MMRN1: variants seen among roughly 807,000 people sequenced by gnomAD.
MMRN1 encodes multimerin-1.
Under a neutral mutation model 100.7 loss-of-function variants are expected in MMRN1, and 94 were observed. The observed-to-expected ratio is 0.93, with a 90% CI of 0.79 to 1.11. MMRN1 has a LOEUF of 1.11. Ranked by LOEUF, MMRN1 falls within the 50% of genes least tolerant of loss-of-function variation. The probability of loss-of-function intolerance (pLI) is 0.00; values close to 1 mark genes in which losing one functional copy is unlikely to be tolerated. For synonymous variants in MMRN1, 575 were observed against 505.0 expected, an observed-to-expected ratio of 1.14 and a Z score of -1.86; for missense variants, 1,606 against 1,439.1, an observed-to-expected ratio of 1.12 and a Z score of -1.88.
chr4:89,909,581 A>G (rs189833666), intron 2 of MMRN1, among the ~76,000 whole-genome samples, 186 bp downstream of exon 2: 1 of 151,640 alleles, frequency 6.6e-6, no homozygotes, highest in Admixed American at 6.6e-5. Context: ...CATTTTTAGA[A>G]TCATTTGAGA....
intron 6 of MMRN1, among the ~76,000 whole-genome samples, chr4:89,944,541 G>A (rs1722928264): frequency 6.6e-6 from 1 of 152,114 alleles, no homozygotes; most frequent in African/African-American, 2.4e-5. Context: ...CATTTTAATA[G>A]GCGTGCAGTT....
chr4:89,911,329 C>A (rs1394106277), intron 2 of MMRN1, among the ~76,000 whole-genome samples: 1 of 151,322 alleles, frequency 6.6e-6, no homozygotes, highest in Non-Finnish European at 1.5e-5. Context: ...ATGGTTTCAT[C>A]TTAAAAATAA....
intron 3 of MMRN1, among the ~76,000 whole-genome samples, chr4:89,916,471 G>GA (rs1721923332): frequency 2.0e-5 from 3 of 150,862 alleles, no homozygotes. Flanking sequence ...ATTAATTTTT[G>GA]ACATTTAATA....
intron 5 of MMRN1, among the ~76,000 whole-genome samples, chr4:89,928,999 T>G (rs1187222456): frequency 6.6e-6 from 1 of 152,100 alleles, no homozygotes; most frequent in African/African-American, 2.4e-5. Context: ...ATGGGACCAC[T>G]TGACACTTGC....
At chr4:89,919,889 G>A (rs953840321) in intron 3 of MMRN1, among the ~76,000 whole-genome samples, 1 of 152,094 alleles carries the variant, frequency 6.6e-6, no homozygotes, top group African/African-American at 2.4e-5. Context: ...AAAATAAATT[G>A]AGCATCAAAC....
At chr4:89,944,989 T>G (rs1323264230) in intron 6 of MMRN1, among the ~76,000 whole-genome samples, 1 of 152,132 alleles carries the variant, frequency 6.6e-6, no homozygotes, top group Non-Finnish European at 1.5e-5. Flanking sequence ...CACCCCAAAT[T>G]TCCTCATGCA....
At chr4:89,881,631 C>A (rs1171041419) in intron 1 of MMRN1, among the ~76,000 whole-genome samples, 1 of 151,386 alleles carries the variant, frequency 6.6e-6, no homozygotes, top group African/African-American at 2.4e-5. Flanking sequence ...CAAAGGTGCC[C>A]ATGGTGAATG....
chr4:89,892,717 A>G (rs1434747071), upstream of MMRN1, among the ~76,000 whole-genome samples: 2 of 151,970 alleles, frequency 1.3e-5, no homozygotes, highest in East Asian at 3.9e-4. Context: ...TTATTGGTCA[A>G]TACCTTATAA....
Position 89,935,161 on chromosome 4 carries a change from A to G in MMRN1, c.1481A>G (p.Gln494Arg), listed in dbSNP as rs1722566994. 1 of 1,613,288 alleles carries G rather than the reference A, an allele frequency of 6.2e-7. No homozygotes were observed. Among genetic ancestry groups the G allele is most frequent in the South Asian group, 1.1e-5 (1 of 90,974 alleles). ...KQTHLEGALE[Q>R]EHSRSILYYE... ...ACTCATTTAGAAGGTGCTCTAGAAC[A>G]GGAACACTCAAGAAGCATTCTGTAT... The change falls in exon 6 of 8, where the codon CAG (glutamine) becomes CGG (arginine). Residue 494 changes from glutamine to arginine, a missense_variant. By Grantham distance (43) the Gln-to-Arg change is conservative (BLOSUM62 1). Coordinates refer to ENST00000264790, the MANE Select transcript of MMRN1 (RefSeq NM_007351.3).
chr4:89,944,382 T>C (rs1722923912), intron 6 of MMRN1, among the ~76,000 whole-genome samples: 1 of 152,224 alleles, frequency 6.6e-6, no homozygotes, highest in South Asian at 2.1e-4. Context: ...GAGCAACTTA[T>C]GAAAGGGCCA....
chr4:89,941,605 T>C (rs1261989955), intron 6 of MMRN1, among the ~76,000 whole-genome samples: 1 of 152,156 alleles, frequency 6.6e-6, no homozygotes, highest in East Asian at 1.9e-4. Flanking sequence ...ATATTCAGCA[T>C]AAATCATATT....
chr4:89,928,658 G>A (rs182203086), intron 5 of MMRN1, among the ~76,000 whole-genome samples: 28 of 152,158 alleles, frequency 1.8e-4, no homozygotes, highest in African/African-American at 6.7e-4. Flanking sequence ...TGTAAACTGA[G>A]GCCCATTCCC....
intron 6 of MMRN1, among the ~76,000 whole-genome samples, chr4:89,939,769 T>C (rs1368540531): frequency 6.6e-6 from 1 of 152,202 alleles, no homozygotes; most frequent in African/African-American, 2.4e-5. Flanking sequence ...TATCTGAATA[T>C]TCCATATGGC....
Position 89,935,914 on chromosome 4 carries a change from A to T in MMRN1, c.2234A>T (p.Asn745Ile), listed in dbSNP as rs760526815. 8.1e-6 allele frequency: 13 copies of T among 1,609,646 alleles called. No homozygotes were observed. Among genetic ancestry groups the T allele is most frequent in the Non-Finnish European group, 1.1e-5 (13 of 1,177,994 alleles). Residue 745 changes from asparagine to isoleucine, a missense_variant, in exon 6 of 8, where the codon AAC becomes ATC. Physicochemically the swap from Asn to Ile is moderately radical, Grantham distance 149 (BLOSUM62 -3). Coordinates refer to ENST00000264790, the MANE Select transcript of MMRN1 (RefSeq NM_007351.3). ...INNAIDFIQDNYALKETLSTI... is the reference protein window; with the variant it reads ...INNAIDFIQDIYALKETLSTI... ...AATGCTATTGATTTCATTCAAGATA[A>T]CTATGCCCTAAAAGAGACTTTAAGT...
In MMRN1 at chr4:89,895,006, G is replaced by A. The variant is rs779499583; in HGVS notation, c.35G>A (p.Ser12Asn). 2.5e-6 allele frequency: 4 copies of A among 1,613,354 alleles called. No homozygotes were observed. The African/African-American group carries it at 5.3e-5, about 22-fold the overall frequency. Reference sequence around the variant, plus strand: ...GCAAGATTATTTGTCCTTCTTTCTAGTTTATGGAGTGGGGGCATTGGGCTT... The same window carrying A: ...GCAAGATTATTTGTCCTTCTTTCTAATTTATGGAGTGGGGGCATTGGGCTT... ...KGARLFVLLS[S>N]LWSGGIGLNN... The change falls in exon 1 of 8, where the codon AGT (serine) becomes AAT (asparagine). Residue 12 changes from serine (S) to asparagine (N), a missense_variant. Ser to Asn is a conservative substitution (Grantham distance 46, BLOSUM62 1). Transcript: ENST00000264790.
In MMRN1 at chr4:89,895,234, C is replaced by T; in HGVS notation, c.263C>T (p.Thr88Ile). The T allele has an allele frequency of 6.2e-7, 1 of 1,613,878 alleles. No homozygotes were observed. The highest frequency in any genetic ancestry group is 8.5e-7 in the Non-Finnish European group (1 of 1,179,930). ...LLKSTLPPSE[T>I]SAPAEGVRNQ... Reference sequence around the variant, plus strand: ...AAATCAACACTGCCTCCCTCAGAAACAAGTGCACCTGCTGAGGGTGTGAGA... The same window carrying T: ...AAATCAACACTGCCTCCCTCAGAAATAAGTGCACCTGCTGAGGGTGTGAGA... The change falls in exon 1 of 8, where the codon ACA becomes ATA. Residue 88 changes from threonine to isoleucine, a missense_variant. Physicochemically the swap from Thr to Ile is moderately conservative, Grantham distance 89 (BLOSUM62 -1). Transcript: ENST00000264790.
intron 3 of MMRN1, among the ~76,000 whole-genome samples, chr4:89,913,508 A>C (rs1721820834): frequency 6.6e-6 from 1 of 151,366 alleles, no homozygotes; most frequent in Non-Finnish European, 1.5e-5. Flanking sequence ...ACATACATGT[A>C]GGAAGAAAAT....
intron 1 of MMRN1, among the ~76,000 whole-genome samples, chr4:89,886,327 A>T (rs187136302): frequency 6.6e-6 from 1 of 152,206 alleles, no homozygotes; most frequent in Admixed American, 6.5e-5. Context: ...TTAGAAGTAT[A>T]TTGTTTCATT....
intron 1 of MMRN1, among the ~76,000 whole-genome samples, chr4:89,906,744 C>T (rs1721575939): frequency 6.6e-6 from 1 of 151,376 alleles, no homozygotes; most frequent in Non-Finnish European, 1.5e-5. Context: ...GTAGCATAAA[C>T]CTAATTATGA....
Sources: allele counts gnomAD v4.1 joint callset (sites outside exome capture counted in the v4.1 genomes callset), GRCh38; gene constraint gnomAD v4.1.1; transcripts MANE v1.5; gene names NCBI Gene and HGNC (gene_info 2026-07-23, HGNC 2026-07-21).